Variants in EYS observed in about 807,000 individuals in gnomAD.
The protein encoded by EYS is EGF-like photoreceptor maintenance factor, also known as protein eyes shut homolog.
In EYS, 250 loss-of-function variants were observed where a neutral mutation model predicts 282.1. The ratio of observed to expected loss-of-function variants is 0.89; its 90% CI spans 0.80 to 0.98. The LOEUF is 0.98. Among genes scored for constraint, EYS ranks in the 50% least tolerant of loss-of-function variants. EYS has a pLI of 0.00. For synonymous variants in EYS, 1,355 were observed against 1,282.9 expected, an observed-to-expected ratio of 1.06 and a Z score of -1.20; for missense variants, 4,016 against 3,709.0, an observed-to-expected ratio of 1.08 and a Z score of -2.15.
At chr6:65,178,967 T>C (rs2150231856) in intron 12 of EYS, among the ~76,000 whole-genome samples, 1 of 152,128 alleles carries the variant, frequency 6.6e-6, no homozygotes, top group East Asian at 1.9e-4. Flanking sequence ...GACTACTGGG[T>C]ACATAACAAA....
At chr6:65,205,530 A>C (rs1356216422) in intron 12 of EYS, among the ~76,000 whole-genome samples, 1 of 151,882 alleles carries the variant, frequency 6.6e-6, no homozygotes, top group Non-Finnish European at 1.5e-5. Context: ...CCTGACTTAA[A>C]CTATACTCTA....
At chr6:65,490,757 C>A in intron 4 of EYS, 50 bp from the exon 5 acceptor site, 1 of 943,854 alleles carries the variant, frequency 1.1e-6, no homozygotes, top group African/African-American at 1.6e-5. Context: ...AATATTATAA[C>A]CATCAGTTTT....
rs565564709 is a variant in EYS, at chr6:64,478,831, TTTC to T, written c.5645-39482_5645-39480del. 4.3e-3 allele frequency among the ~76,000 whole-genome samples: 659 copies of T among 151,498 alleles called. 5 individuals are homozygous for T. Among genetic ancestry groups the T allele is most frequent in the African/African-American group, 0.015 (612 of 41,504 alleles). Reference sequence around the variant, plus strand: ...GATTTTATCTTAATTTAAAAATAATTTTCTTATGAATTTATAAGGACAGAAAGG... The same window carrying T: ...GATTTTATCTTAATTTAAAAATAATTTTATGAATTTATAAGGACAGAAAGG... On this transcript the variant is annotated intron_variant, in intron 26 of 42. Coordinates refer to ENST00000503581, the MANE Select transcript of EYS (RefSeq NM_001142800.2).
intron 26 of EYS, among the ~76,000 whole-genome samples, chr6:64,478,746 T>C (rs1020552537): frequency 4.0e-5 from 6 of 151,084 alleles, no homozygotes; most frequent in Admixed American, 1.3e-4. Flanking sequence ...TGAGAATATA[T>C]GTATTTTATC....
chr6:64,280,221 A>T (rs1397101030), intron 30 of EYS, among the ~76,000 whole-genome samples: 5 of 152,146 alleles, frequency 3.3e-5, no homozygotes, highest in Non-Finnish European at 5.9e-5. Context: ...AAATAAATGT[A>T]TTATCTAGTG....
intron 22 of EYS, among the ~76,000 whole-genome samples, chr6:64,676,195 T>C (rs923693779): frequency 6.7e-6 from 1 of 148,582 alleles, no homozygotes; most frequent in African/African-American, 2.4e-5. Flanking sequence ...TAAGTAACTT[T>C]CTAAGAGACC....
intron 1 of EYS, among the ~76,000 whole-genome samples, chr6:65,654,745 A>T (rs1206334466): frequency 1.3e-5 from 2 of 151,702 alleles, no homozygotes; most frequent in Admixed American, 6.6e-5. Flanking sequence ...AAAGAACTAA[A>T]ATTGTTCCTG....
chr6:65,295,018 C>T lies in EYS; in HGVS notation c.2023+845G>A, dbSNP rs147020813. 7.5e-4 allele frequency among the ~76,000 whole-genome samples: 114 copies of T among 151,890 alleles called. 2 individuals are homozygous for T. Among genetic ancestry groups the T allele is most frequent in the African/African-American group, 2.6e-3 (107 of 41,504 alleles). On this transcript the variant is annotated intron_variant, in intron 12 of 42. Coordinates refer to ENST00000503581, the MANE Select transcript of EYS (RefSeq NM_001142800.2). Reference sequence around the variant, plus strand: ...ATTTTTGGAATTTATCTTTAAATTGCTTCCAAAACCTTCAACATATTACTT... The same window carrying T: ...ATTTTTGGAATTTATCTTTAAATTGTTTCCAAAACCTTCAACATATTACTT...
intron 22 of EYS, among the ~76,000 whole-genome samples, chr6:64,730,354 T>C (rs1242856222): frequency 1.3e-5 from 2 of 152,218 alleles, no homozygotes; most frequent in Non-Finnish European, 2.9e-5. Context: ...CACCTAGATA[T>C]GTTGAAATGA....
intron 31 of EYS, among the ~76,000 whole-genome samples, chr6:64,226,312 C>G (rs2150335864): frequency 1.3e-5 from 2 of 152,162 alleles, no homozygotes; most frequent in Middle Eastern, 6.8e-3. Flanking sequence ...TTCCTCAGTA[C>G]AGTTAACCTT....
chr6:64,376,854 A>G (rs1772577493), intron 29 of EYS, among the ~76,000 whole-genome samples: 1 of 152,116 alleles, frequency 6.6e-6, no homozygotes, highest in African/African-American at 2.4e-5. Flanking sequence ...TATATTTTCT[A>G]TCTCAGGATA....
intron 2 of EYS, among the ~76,000 whole-genome samples, chr6:65,610,780 C>T (rs1336115590): frequency 6.6e-6 from 1 of 152,090 alleles, no homozygotes; most frequent in African/African-American, 2.4e-5. Flanking sequence ...GCTATTTACT[C>T]ACAAGCATAC....
chr6:65,642,718 T>A, intron 1 of EYS, among the ~76,000 whole-genome samples: 1 of 152,198 alleles, frequency 6.6e-6, no homozygotes, highest in Non-Finnish European at 1.5e-5. Flanking sequence ...GTGATTTCAG[T>A]CTAATAAGTA....
At chr6:64,123,157 GT>G (rs1282633887) in intron 31 of EYS, among the ~76,000 whole-genome samples, 1 of 152,128 alleles carries the variant, frequency 6.6e-6, no homozygotes, top group Non-Finnish European at 1.5e-5. Context: ...CAAGATTTTT[GT>G]TTGTTATCCT....
At chr6:65,284,991 G>A (rs569125962) in intron 12 of EYS, among the ~76,000 whole-genome samples, 6 of 151,830 alleles carry the variant, frequency 4.0e-5, no homozygotes, top group African/African-American at 1.4e-4. Flanking sequence ...TCTTAAACAT[G>A]TGCATATTTA....
chr6:64,245,477 G>T (rs1305544429), intron 30 of EYS, among the ~76,000 whole-genome samples: 1 of 149,210 alleles, frequency 6.7e-6, no homozygotes, highest in African/African-American at 2.6e-5. Context: ...ACTGCACCTG[G>T]CTTATACTCC....
rs76964545 is a variant in EYS, at chr6:65,334,958, T to G, written c.1766+22A>C. On this transcript the variant is annotated intron_variant, in intron 11 of 42. Coordinates refer to ENST00000503581, the MANE Select transcript of EYS (RefSeq NM_001142800.2). ...TAACTTTTTGATATGTGATATTATC[T>G]GCTCAAATGATACATAAATACCTGG... 1.9e-3 allele frequency: 3,057 copies of G among 1,594,736 alleles called. 61 individuals are homozygous for G. The African/African-American group carries it at 0.033, about 17-fold the overall frequency.
chr6:65,509,056 C>A (rs908927583), intron 2 of EYS, among the ~76,000 whole-genome samples: 1 of 152,076 alleles, frequency 6.6e-6, no homozygotes, highest in African/African-American at 2.4e-5. Context: ...GACTCAGGAC[C>A]CAGAGGTACC....
At chr6:63,829,568 C>A (rs1347820174) in intron 36 of EYS, among the ~76,000 whole-genome samples, 1 of 152,222 alleles carries the variant, frequency 6.6e-6, no homozygotes, top group African/African-American at 2.4e-5. Flanking sequence ...AGCTGGGAAG[C>A]TCAAACTGGG....
Sources: gnomAD v4.1 joint callset for allele counts (sites outside exome capture counted in the v4.1 genomes callset) on GRCh38, gnomAD v4.1.1 for gene constraint, MANE v1.5 for transcripts, NCBI Gene and HGNC (gene_info 2026-07-23, HGNC 2026-07-21) for gene names.